The following CNTNAP5 variants were observed in gnomAD, a reference collection of about 807,000 sequenced individuals.
The protein encoded by CNTNAP5 is contactin-associated protein-like 5.
CNTNAP5 carries 72 observed loss-of-function variants against 150.2 expected under a neutral mutation model. The observed-to-expected ratio is 0.48, with a 90% CI of 0.40 to 0.58. The LOEUF (loss-of-function observed/expected upper bound fraction) is 0.58. Ranked by LOEUF, CNTNAP5 falls within the 20% of genes least tolerant of loss-of-function variation. CNTNAP5 has a pLI of 0.00. For missense variants in CNTNAP5, 1,636 were observed against 1,626.2 expected (o/e 1.01, Z -0.10); for synonymous variants, 672 against 619.8 (o/e 1.08, Z -1.25).
At chr2:124,746,516 C>T (rs898182396) in intron 13 of CNTNAP5, among the ~76,000 whole-genome samples, 1 of 151,958 alleles carries the variant, frequency 6.6e-6, no homozygotes, top group Non-Finnish European at 1.5e-5. Flanking sequence ...TTTTTTTCCC[C>T]CAAATCTTTG....
At chr2:124,647,423 C>T (rs1336082246) in intron 12 of CNTNAP5, among the ~76,000 whole-genome samples, 1 of 152,094 alleles carries the variant, frequency 6.6e-6, no homozygotes, top group Non-Finnish European at 1.5e-5. Flanking sequence ...GGGTGAGTTG[C>T]CTAATTTTCT....
At position 124,146,183 on chromosome 2, in the gene CNTNAP5, G is replaced by A. The variant is rs969145402; in HGVS notation, c.83-75522G>A. ...GCAGTCGTCCTGACACTGGGCAGGTGTCTTTACCACCGGAAGCTGCCACCT... is the reference window on the plus strand; with the variant it reads ...GCAGTCGTCCTGACACTGGGCAGGTATCTTTACCACCGGAAGCTGCCACCT... On this transcript the variant is annotated intron_variant, in intron 1 of 23. Transcript: ENST00000682447. 1.3e-4 allele frequency among the ~76,000 whole-genome samples: 20 copies of A among 152,240 alleles called. 1 individual carries two copies. Among genetic ancestry groups the A allele is most frequent in the African/African-American group, 4.3e-4 (18 of 41,540 alleles).
chr2:124,902,618 A>C (rs1399597945), intron 21 of CNTNAP5, among the ~76,000 whole-genome samples: 1 of 152,154 alleles, frequency 6.6e-6, no homozygotes, highest in Non-Finnish European at 1.5e-5. Flanking sequence ...CATGAATGAA[A>C]ATTTAGAAGT....
At position 124,256,395 on chromosome 2, in the gene CNTNAP5, T is replaced by C. The variant is rs1292082648; in HGVS notation, c.381+14002T>C. Reference sequence around the variant, plus strand: ...AAATTCAGGAGAGGGCTGGCATTTTTTTTTTAAGTTTAAAGTTTAAGCATG... The same window carrying C: ...AAATTCAGGAGAGGGCTGGCATTTTCTTTTTAAGTTTAAAGTTTAAGCATG... On this transcript the variant is annotated intron_variant, in intron 3 of 23. Transcript: ENST00000682447. Among the ~76,000 whole-genome samples, 5 of 152,152 alleles carry C rather than the reference T, an allele frequency of 3.3e-5. No individual in the cohort carries two copies. In the East Asian group the frequency reaches 9.6e-4, roughly 29 times the overall value.
At chr2:124,309,838 C>G (rs1182645872) in intron 3 of CNTNAP5, among the ~76,000 whole-genome samples, 2 of 152,182 alleles carry the variant, frequency 1.3e-5, no homozygotes, top group Non-Finnish European at 2.9e-5. Flanking sequence ...AATATCGTCT[C>G]CACAAGGCAG....
At chr2:124,078,543 T>C (rs993903454) in intron 1 of CNTNAP5, among the ~76,000 whole-genome samples, 10 of 152,312 alleles carry the variant, frequency 6.6e-5, no homozygotes, top group African/African-American at 2.2e-4. Flanking sequence ...CTAAATACAT[T>C]GGTTTTATTC....
At chr2:124,834,285 A>C (rs1315939097) in intron 19 of CNTNAP5, among the ~76,000 whole-genome samples, 1 of 152,198 alleles carries the variant, frequency 6.6e-6, no homozygotes, top group African/African-American at 2.4e-5. Flanking sequence ...ATCTTTAATA[A>C]TAAAAAACCC....
At chr2:124,136,254 T>C (rs931282754) in intron 1 of CNTNAP5, among the ~76,000 whole-genome samples, 2 of 152,220 alleles carry the variant, frequency 1.3e-5, no homozygotes, top group South Asian at 4.1e-4. Flanking sequence ...CATGCTTTCA[T>C]ATTTTGAGCT....
intron 3 of CNTNAP5, among the ~76,000 whole-genome samples, chr2:124,243,547 T>C (rs1051779907): frequency 6.6e-6 from 1 of 152,146 alleles, no homozygotes; most frequent in African/African-American, 2.4e-5. Context: ...ACTTGTAATA[T>C]TAGGTTATAA....
At chr2:124,820,791 A>G (rs1014483083) in intron 19 of CNTNAP5, among the ~76,000 whole-genome samples, 11 of 152,238 alleles carry the variant, frequency 7.2e-5, no homozygotes, top group Admixed American at 1.3e-4. Context: ...CCCAAATCTC[A>G]GTAGCTTGTA....
At chr2:124,415,872 A>T (rs879659013) in intron 3 of CNTNAP5, among the ~76,000 whole-genome samples, 2 of 152,190 alleles carry the variant, frequency 1.3e-5, no homozygotes, top group Admixed American at 1.3e-4. Context: ...TTAAAAAAAT[A>T]TATTAGGTGT....
rs553633535 is a variant in CNTNAP5 at position 124,199,902 on chromosome 2, A to G, written c.83-21803A>G. ...TTGTTTAGGGTTTTCTAAATATACA[A>G]TCATCACCCATGAATAATGAGAGTT... On this transcript the variant is annotated intron_variant, in intron 1 of 23. Coordinates refer to ENST00000682447, the MANE Select transcript of CNTNAP5 (RefSeq NM_001367498.1). Among the ~76,000 whole-genome samples the G allele has an allele frequency of 2.8e-3, 428 of 152,328 alleles. 4 individuals carry two copies. The highest frequency in any genetic ancestry group is 0.014 in the South Asian group (68 of 4,828).
rs1348045433 is a variant in CNTNAP5 at position 124,420,004 on chromosome 2, T to C, written c.529+2414T>C. On this transcript the variant is annotated intron_variant, in intron 4 of 23. Coordinates refer to ENST00000682447, the MANE Select transcript of CNTNAP5 (RefSeq NM_001367498.1). ...TCTTTCTTTCTTTTTTTTTTTTTTT[T>C]TTTTTGAGATGGAGCCTCGCTCTCT... is the stretch of plus-strand genomic sequence containing the variant. Among the ~76,000 whole-genome samples the C allele has an allele frequency of 2.1e-5, 3 of 139,714 alleles. 1 individual carries two copies. The East Asian group carries it at 6.1e-4, about 28-fold the overall frequency. 91.7% of individuals were successfully genotyped at this position (139,714 alleles called of 152,430 possible). A position where few individuals can be genotyped will look rare whatever the true frequency, so the allele number is the denominator to read the frequency against.
chr2:124,513,437 T>C, intron 8 of CNTNAP5, among the ~76,000 whole-genome samples: 1 of 152,234 alleles, frequency 6.6e-6, no homozygotes. Context: ...ATGCAATGTA[T>C]ATTAATATGT....
chr2:124,152,580 T>C (rs2104636054), intron 1 of CNTNAP5, among the ~76,000 whole-genome samples: 1 of 152,200 alleles, frequency 6.6e-6, no homozygotes, highest in African/African-American at 2.4e-5. Flanking sequence ...GATCAGTTAA[T>C]AAGGACTGGA....
chr2:124,903,236 T>C, intron 22 of CNTNAP5, 136 bp downstream of exon 22: 2 of 540,204 alleles, frequency 3.7e-6, no homozygotes, highest in Non-Finnish European at 6.5e-6. Flanking sequence ...CTAAAAATTA[T>C]GACTGATATT....
intron 1 of CNTNAP5, among the ~76,000 whole-genome samples, chr2:124,216,396 A>C (rs1686156094): frequency 6.6e-6 from 1 of 152,022 alleles, no homozygotes; most frequent in South Asian, 2.1e-4. Flanking sequence ...TTTTTTTAAA[A>C]TTATTATTAT....
Position 124,643,054 on chromosome 2 carries a change from C to A in CNTNAP5, c.1877-4704C>A, listed in dbSNP as rs571216616. ...ATGAGATCATTGACACTCATGCCAACCCACTGTGCTGAATGCAACTTTAAA... is the reference window on the plus strand; with the variant it reads ...ATGAGATCATTGACACTCATGCCAAACCACTGTGCTGAATGCAACTTTAAA... On this transcript the variant is annotated intron_variant, in intron 12 of 23. Coordinates refer to ENST00000682447, the MANE Select transcript of CNTNAP5 (RefSeq NM_001367498.1). Among the ~76,000 whole-genome samples, 15 of 152,292 alleles carry A rather than the reference C, an allele frequency of 9.8e-5. No homozygotes were observed. In the South Asian group the frequency reaches 3.1e-3, roughly 32 times the overall value.
chr2:124,032,376 C>A (rs1047913488), intron 1 of CNTNAP5, among the ~76,000 whole-genome samples: 8 of 151,912 alleles, frequency 5.3e-5, no homozygotes, highest in African/African-American at 1.9e-4. Flanking sequence ...TATGGAGATT[C>A]ATTGAATGTT....
Sources: allele counts gnomAD v4.1 joint callset (sites outside exome capture counted in the v4.1 genomes callset), GRCh38; gene constraint gnomAD v4.1.1; transcripts MANE v1.5; gene names NCBI Gene and HGNC (gene_info 2026-07-23, HGNC 2026-07-21).